MYT1L: variants seen among roughly 807,000 people sequenced by gnomAD.
MYT1L encodes myelin transcription factor 1-like protein.
Under a neutral mutation model 126.7 loss-of-function variants are expected in MYT1L, and 12 were observed. The ratio of observed to expected loss-of-function variants is 0.09; its 90% confidence interval spans 0.06 to 0.15. MYT1L has a LOEUF of 0.15. MYT1L is among the 10% of genes least tolerant of loss of function. The pLI is 1.00. For missense variants in MYT1L, 979 were observed against 1,585.2 expected, an observed-to-expected ratio of 0.62 and a Z score of 6.49; for synonymous variants, 541 against 604.2, an observed-to-expected ratio of 0.90 and a Z score of 1.53.
intron 21 of MYT1L, among the ~76,000 whole-genome samples, chr2:1,820,148 G>C (rs975986165): frequency 6.6e-6 from 1 of 152,190 alleles, no homozygotes; most frequent in Admixed American, 6.5e-5. Context: ...AAGAAGGGCT[G>C]GGGCTTGGTC....
intron 2 of MYT1L, among the ~76,000 whole-genome samples, chr2:2,219,843 G>A (rs919589531): frequency 6.6e-6 from 1 of 152,188 alleles, no homozygotes; most frequent in Admixed American, 6.5e-5. Flanking sequence ...AACTGCTGGT[G>A]AGTGTACCCT....
chr2:2,230,125 C>A (rs1349100621), intron 2 of MYT1L, among the ~76,000 whole-genome samples: 1 of 152,160 alleles, frequency 6.6e-6, no homozygotes, highest in East Asian at 1.9e-4. Context: ...CATTTGACAA[C>A]CCTTTTATAC....
At chr2:1,964,176 G>A (rs1314182317) in intron 8 of MYT1L, among the ~76,000 whole-genome samples, 2 of 152,138 alleles carry the variant, frequency 1.3e-5, no homozygotes, top group African/African-American at 2.4e-5. Context: ...AGGGAGAGGT[G>A]GTGGACTGGC....
intron 9 of MYT1L, among the ~76,000 whole-genome samples, 176 bp downstream of exon 9, chr2:1,942,806 A>G (rs2056798275): frequency 6.6e-6 from 1 of 152,242 alleles, no homozygotes; most frequent in Admixed American, 6.5e-5. Flanking sequence ...GTAACAGAGA[A>G]TCTGAAGAAT....
intron 4 of MYT1L, among the ~76,000 whole-genome samples, chr2:2,040,236 C>T (rs1319926769): frequency 6.6e-6 from 1 of 152,156 alleles, no homozygotes; most frequent in African/African-American, 2.4e-5. Context: ...GCTGAGCACA[C>T]GTGTACTCTG....
At chr2:2,000,144 G>T (rs2062223200) in intron 4 of MYT1L, among the ~76,000 whole-genome samples, 1 of 152,130 alleles carries the variant, frequency 6.6e-6, no homozygotes, top group African/African-American at 2.4e-5. Context: ...CCCCTCCCTG[G>T]GCAGGAGCAG....
At chr2:1,919,453 C>T (rs1413705474) in intron 10 of MYT1L, among the ~76,000 whole-genome samples, 1 of 152,206 alleles carries the variant, frequency 6.6e-6, no homozygotes, top group Non-Finnish European at 1.5e-5. Context: ...TGCTCCCTTC[C>T]CTCTGTTAGA....
chr2:2,147,300 C>A (rs912201418), intron 3 of MYT1L, among the ~76,000 whole-genome samples: 8 of 152,212 alleles, frequency 5.3e-5, no homozygotes, highest in African/African-American at 1.9e-4. Flanking sequence ...CCTGGAAGGA[C>A]TCAGGATGCA....
chr2:1,983,246 C>A (rs746956281), intron 5 of MYT1L, among the ~76,000 whole-genome samples: 2 of 152,160 alleles, frequency 1.3e-5, no homozygotes, highest in African/African-American at 4.8e-5. Flanking sequence ...CTCTGCTGAA[C>A]AAGGGCCTTT....
chr2:1,818,489 G>A (rs1025241002), intron 21 of MYT1L, among the ~76,000 whole-genome samples: 1 of 152,138 alleles, frequency 6.6e-6, no homozygotes, highest in Non-Finnish European at 1.5e-5. Context: ...ATTTATATGA[G>A]ACACAATACA....
chr2:2,001,254 C>CTT (rs1187430723), intron 4 of MYT1L, among the ~76,000 whole-genome samples: 6 of 67,652 alleles, frequency 8.9e-5, no homozygotes, highest in South Asian at 4.7e-4. Context: ...TTTTTTTTTG[C>CTT]TTTTTTTTTT....
Position 1,979,107 on chromosome 2 carries a change from G to C in MYT1L, c.152+58C>G. On this transcript the variant is annotated intron_variant, in intron 8 of 24. Coordinates refer to ENST00000647738, the MANE Select transcript of MYT1L (RefSeq NM_001303052.2). The surrounding 1 kb of genome is among the most constrained non-coding windows in gnomAD (Gnocchi z 4.0). ...CTCACACAGTTCATCATCAGGACTGGGTCCCCAAATAAGTCACTTTAGACA... is the reference window on the plus strand; with the variant it reads ...CTCACACAGTTCATCATCAGGACTGCGTCCCCAAATAAGTCACTTTAGACA... 7.1e-7 allele frequency: 1 copy of C among 1,411,656 alleles called. No individual in the cohort carries two copies. Among genetic ancestry groups the C allele is most frequent in the African/African-American group, 1.4e-5 (1 of 70,726 alleles). The allele number at this position is 1,411,656 out of a possible 1,614,324, so 87.4% of individuals were successfully genotyped here. A position where few individuals can be genotyped will look rare whatever the true frequency, so the allele number is the denominator to read the frequency against.
At chr2:1,871,701 C>T (rs1426067560) in intron 18 of MYT1L, among the ~76,000 whole-genome samples, 1 of 152,178 alleles carries the variant, frequency 6.6e-6, no homozygotes, top group Non-Finnish European at 1.5e-5. Context: ...TCCTCAGCCT[C>T]TTCAGGGCCT....
In MYT1L at chr2:1,835,595, C is replaced by T. The variant is rs569149128; in HGVS notation, c.3080+3554G>A. Among the ~76,000 whole-genome samples, 157 of 152,282 alleles carry T rather than the reference C, an allele frequency of 1.0e-3. 1 individual carries two copies. The highest frequency in any genetic ancestry group is 3.6e-3 in the African/African-American group (149 of 41,564). ...AACTACAAAAACAAACAGAACAGAA[C>T]AGAACCCAGGTCCGGTGTGCTCAGG... On this transcript the variant is annotated intron_variant, in intron 21 of 24. Transcript: ENST00000647738.
chr2:2,291,118 G>A (rs985140756), intron 1 of MYT1L, among the ~76,000 whole-genome samples: 4 of 151,800 alleles, frequency 2.6e-5, no homozygotes, highest in African/African-American at 9.7e-5. Context: ...ATAACTCAGA[G>A]CAACATTAAA....
intron 18 of MYT1L, among the ~76,000 whole-genome samples, chr2:1,878,325 A>G (rs1352079090): frequency 6.6e-6 from 1 of 152,238 alleles, no homozygotes; most frequent in African/African-American, 2.4e-5. Context: ...AGATACCAGT[A>G]TATTAATAAA....
Position 2,228,698 on chromosome 2 carries a change from G to A in MYT1L, c.-421+55706C>T, listed in dbSNP as rs1055283056. ...TATATAACTTAGCAGGTATAAAAAG[G>A]TTTCAACCTTAATATTACAGAGAAG... On this transcript the variant is annotated intron_variant, in intron 2 of 24. Coordinates refer to ENST00000647738, the MANE Select transcript of MYT1L (RefSeq NM_001303052.2). The surrounding 1 kb of genome is among the most constrained non-coding windows in gnomAD (Gnocchi z 5.9). Among the ~76,000 whole-genome samples the A allele has an allele frequency of 3.3e-5, 5 of 151,960 alleles. No homozygotes were observed. Among genetic ancestry groups the A allele is most frequent in the African/African-American group, 4.8e-5 (2 of 41,356 alleles).
In MYT1L at chr2:1,910,179, G is replaced by T; in HGVS notation, c.1817+61C>A. The T allele has an allele frequency of 2.0e-6, 3 of 1,464,958 alleles. No homozygotes were observed. Among genetic ancestry groups the T allele is most frequent in the Non-Finnish European group, 2.8e-6 (3 of 1,055,730 alleles). 90.7% of individuals were successfully genotyped at this position (1,464,958 alleles called of 1,614,324 possible). On this transcript the variant is annotated intron_variant, in intron 13 of 24. Transcript: ENST00000647738. The surrounding 1 kb of genome is among the most constrained non-coding windows in gnomAD (Gnocchi z 4.8). ...CATGCCCTGAGCGGGTGTCCCCAGC[G>T]CTCCGAGGTGTGGGGCAGACTATGG...
intron 14 of MYT1L, chr2:1,902,750 A>G (rs2050515781): frequency 3.1e-6 from 1 of 323,454 alleles, no homozygotes; most frequent in East Asian, 7.3e-5. Context: ...AAGGAAGCGT[A>G]TAACATAAGG....
Sources: gnomAD v4.1 joint callset for allele counts (sites outside exome capture counted in the v4.1 genomes callset) on GRCh38, gnomAD v4.1.1 for gene constraint, Gnocchi (gnomAD v3.1) non-coding constraint, MANE v1.5 for transcripts, NCBI Gene and HGNC (gene_info 2026-07-23, HGNC 2026-07-21) for gene names.